The following CPNE4 variants were observed in gnomAD, a reference collection of about 807,000 sequenced individuals.
CPNE4 encodes the protein copine-4.
In CPNE4, 25 loss-of-function variants were observed where a neutral mutation model predicts 67.9. The ratio of observed to expected loss-of-function variants is 0.37; its 90% CI spans 0.27 to 0.51. CPNE4 has a LOEUF of 0.51. Ranked by LOEUF, CPNE4 falls within the 20% of genes least tolerant of loss-of-function variation. CPNE4 has a pLI of 0.93. For synonymous variants in CPNE4, 242 were observed against 244.9 expected (o/e 0.99, Z 0.11); for missense variants, 464 against 690.8 (o/e 0.67, Z 3.68).
At chr3:132,033,411 G>C (rs866353727) in intron 1 of CPNE4, among the ~76,000 whole-genome samples, 5 of 150,346 alleles carry the variant, frequency 3.3e-5, no homozygotes, top group South Asian at 2.1e-4. Context: ...GTGTCTGTGT[G>C]TGTGTGTGTG....
chr3:131,785,606 G>A (rs1461093808), intron 2 of CPNE4, among the ~76,000 whole-genome samples: 1 of 151,390 alleles, frequency 6.6e-6, no homozygotes, highest in East Asian at 1.9e-4. Flanking sequence ...ATTACTTCTT[G>A]TTCTTCGGGT....
At chr3:131,608,697 T>A (rs1462262474) in intron 7 of CPNE4, among the ~76,000 whole-genome samples, 2 of 152,142 alleles carry the variant, frequency 1.3e-5, no homozygotes, top group Non-Finnish European at 2.9e-5. Flanking sequence ...TCTGTATGAA[T>A]ATATGTATAT....
intron 1 of CPNE4, among the ~76,000 whole-genome samples, chr3:132,014,527 C>T (rs1192500540): frequency 6.6e-6 from 1 of 152,184 alleles, no homozygotes; most frequent in Non-Finnish European, 1.5e-5. Flanking sequence ...TTTTCCTCCT[C>T]AGTATCCAGA....
intron 2 of CPNE4, among the ~76,000 whole-genome samples, chr3:131,889,864 G>T (rs2088036529): frequency 6.6e-6 from 1 of 152,086 alleles, no homozygotes; most frequent in Admixed American, 6.6e-5. Flanking sequence ...TTCAATAAAT[G>T]GTATTGGGAA....
chr3:131,870,558 T>C (rs1560507993), intron 2 of CPNE4, among the ~76,000 whole-genome samples: 2 of 152,150 alleles, frequency 1.3e-5, no homozygotes, highest in East Asian at 3.8e-4. Context: ...AAACTCTGCA[T>C]GAACAAGTAC....
rs747383715 is a variant in CPNE4, at chr3:131,822,752, A to G, written c.180+82512T>C. 2.0e-4 allele frequency among the ~76,000 whole-genome samples: 30 copies of G among 152,160 alleles called. 1 individual carries two copies. Among genetic ancestry groups the G allele is most frequent in the Admixed American group, 3.3e-4 (5 of 15,274 alleles). ...AAGTATTCCTGTTTCATATATTTAA[A>G]CTTGTTTGTTTTTTAAGTACTTTCC... On this transcript the variant is annotated intron_variant, in intron 2 of 15. Coordinates refer to ENST00000429747, the MANE Select transcript of CPNE4 (RefSeq NM_130808.3).
At chr3:131,812,940 A>T (rs932738986) in intron 2 of CPNE4, among the ~76,000 whole-genome samples, 1 of 152,242 alleles carries the variant, frequency 6.6e-6, no homozygotes, top group Non-Finnish European at 1.5e-5. Flanking sequence ...ATATCTGGGC[A>T]TATATACTAA....
chr3:131,864,749 T>A (rs1292675770), intron 2 of CPNE4, among the ~76,000 whole-genome samples: 1 of 151,990 alleles, frequency 6.6e-6, no homozygotes, highest in Admixed American at 6.6e-5. Flanking sequence ...CTATGTTGAA[T>A]AGGAGTGGTG....
chr3:132,005,340 TATACACACACACACACACACACACAC>T (rs1375590990), intron 1 of CPNE4, among the ~76,000 whole-genome samples: 345 of 27,152 alleles, frequency 0.013, 13 homozygotes, highest in Middle Eastern at 0.11. Flanking sequence ...TATATATATA[TATACACACACACACACACACACACAC>T]ACACACATAT....
intron 11 of CPNE4, among the ~76,000 whole-genome samples, chr3:131,557,282 C>T (rs1192190775): frequency 6.6e-6 from 1 of 151,992 alleles, no homozygotes; most frequent in African/African-American, 2.4e-5. Flanking sequence ...TGGAACAATT[C>T]CTACATTTCA....
intron 1 of CPNE4, among the ~76,000 whole-genome samples, chr3:131,974,047 T>G (rs921315471): frequency 4.6e-5 from 7 of 152,170 alleles, no homozygotes; most frequent in Admixed American, 3.3e-4. Flanking sequence ...CATGTAAATT[T>G]ACAAGGGAAG....
At chr3:131,743,498 T>C (rs952288128) in intron 2 of CPNE4, among the ~76,000 whole-genome samples, 1 of 152,180 alleles carries the variant, frequency 6.6e-6, no homozygotes, top group African/African-American at 2.4e-5. Flanking sequence ...CATTTAAGAA[T>C]GTAAATGTGA....
At chr3:131,765,286 T>C (rs2082982616) in intron 2 of CPNE4, among the ~76,000 whole-genome samples, 1 of 152,134 alleles carries the variant, frequency 6.6e-6, no homozygotes, top group Non-Finnish European at 1.5e-5. Flanking sequence ...TTTCTTTCTG[T>C]GCTAAACTTA....
intron 1 of CPNE4, among the ~76,000 whole-genome samples, chr3:131,999,923 CAATT>C (rs1022307030): frequency 6.6e-6 from 1 of 151,870 alleles, no homozygotes; most frequent in African/African-American, 2.4e-5. Context: ...TTCCTCCATT[CAATT>C]GTTTATATGG....
At chr3:131,590,144 C>T (rs754801771) in intron 7 of CPNE4, among the ~76,000 whole-genome samples, 1 of 152,196 alleles carries the variant, frequency 6.6e-6, no homozygotes, top group South Asian at 2.1e-4. Context: ...AACCCCAAGA[C>T]TCCAGCAAAT....
Position 131,974,913 on chromosome 3 carries a change from G to C in CPNE4, c.-2+59654C>G, listed in dbSNP as rs566701194. Among the ~76,000 whole-genome samples the C allele has an allele frequency of 8.0e-4, 121 of 152,148 alleles. 2 individuals carry two copies. The highest frequency in any genetic ancestry group is 2.8e-3 in the African/African-American group (117 of 41,534). On this transcript the variant is annotated intron_variant, in intron 1 of 15. Coordinates refer to ENST00000429747, the MANE Select transcript of CPNE4 (RefSeq NM_130808.3). ...GTCCCAGCTGCTCGGGAGGCTGAGG[G>C]GGGAGGATGGCTTGAGCCTGGGAGG... is the stretch of plus-strand genomic sequence containing the variant.
chr3:131,838,641 G>A (rs1029674688), intron 2 of CPNE4, among the ~76,000 whole-genome samples: 1 of 151,396 alleles, frequency 6.6e-6, no homozygotes, highest in Non-Finnish European at 1.5e-5. Flanking sequence ...CTGACAGAGA[G>A]AAAAACCTAT....
chr3:131,746,347 C>T (rs1335446856), intron 2 of CPNE4, among the ~76,000 whole-genome samples: 1 of 152,072 alleles, frequency 6.6e-6, no homozygotes, highest in Non-Finnish European at 1.5e-5. Flanking sequence ...AGTCATTCTA[C>T]CGTACAATAA....
At chr3:131,863,679 TC>T in intron 2 of CPNE4, among the ~76,000 whole-genome samples, 1 of 152,360 alleles carries the variant, frequency 6.6e-6, no homozygotes, top group Non-Finnish European at 1.5e-5. Flanking sequence ...GATGATAGTT[TC>T]TTTTGCTGTG....
Sources: gnomAD v4.1 joint callset for allele counts (sites outside exome capture counted in the v4.1 genomes callset) on GRCh38, gnomAD v4.1.1 for gene constraint, MANE v1.5 for transcripts, NCBI Gene and HGNC (gene_info 2026-07-23, HGNC 2026-07-21) for gene names.